Variants in C17orf114 observed in about 807,000 individuals in gnomAD.
The protein encoded by C17orf114 is uncharacterized protein C17orf114.
chr17:4,805,346 C>T (rs1431895038), upstream of C17orf114, among the ~76,000 whole-genome samples: 4 of 151,148 alleles, frequency 2.6e-5, no homozygotes, highest in Admixed American at 1.3e-4. Context: ...GGAGAGAACC[C>T]GGGAGGCGGA....
At chr17:4,806,543 T>C (rs1905825599), upstream of C17orf114, among the ~76,000 whole-genome samples, 1 of 152,216 alleles carries the variant, frequency 6.6e-6, no homozygotes, top group East Asian at 1.9e-4. Context: ...AACCATCTTA[T>C]TTACTACCAT....
chr17:4,802,040 A>G (rs114335245), intron 1 of C17orf114, among the ~76,000 whole-genome samples: 1 of 152,174 alleles, frequency 6.6e-6, no homozygotes, highest in African/African-American at 2.4e-5. Context: ...AAATTCTTAA[A>G]TTGTTAACAA....
intron 1 of C17orf114, among the ~76,000 whole-genome samples, chr17:4,801,806 C>T (rs1567518406): frequency 6.6e-6 from 1 of 151,964 alleles, no homozygotes; most frequent in South Asian, 2.1e-4. Flanking sequence ...TTTCGGCTCA[C>T]TGCAACCTCC....
chr17:4,804,013 C>T (rs993026194), upstream of C17orf114, among the ~76,000 whole-genome samples: 21 of 152,044 alleles, frequency 1.4e-4, no homozygotes, highest in African/African-American at 5.1e-4. Context: ...TCAGCCACCA[C>T]ACCCAGCCCA....
exon 1 of C17orf114, chr17:4,802,289 A>G (rs1022506888): frequency 2.5e-6 from 1 of 399,598 alleles, no homozygotes; most frequent in South Asian, 1.3e-4. Flanking sequence ...CACCCGCACC[A>G]TGGGAAACAC....
chr17:4,805,885 G>T (rs1014809905), upstream of C17orf114, among the ~76,000 whole-genome samples: 5 of 151,952 alleles, frequency 3.3e-5, no homozygotes, highest in African/African-American at 1.2e-4. Context: ...CCTGGGAGGC[G>T]GAGCTTGCAG....
upstream of C17orf114, among the ~76,000 whole-genome samples, chr17:4,806,392 G>A (rs1189462449): frequency 6.6e-6 from 1 of 152,074 alleles, no homozygotes; most frequent in African/African-American, 2.4e-5. Flanking sequence ...CTAAAACAAT[G>A]GGCAAAACTA....
upstream of C17orf114, chr17:4,806,975 G>A (rs1905890515): frequency 6.6e-6 from 1 of 150,520 alleles, no homozygotes; most frequent in Admixed American, 6.6e-5. Flanking sequence ...CAGGGCACAG[G>A]GCGGCCCCCT....
intron 1 of C17orf114, among the ~76,000 whole-genome samples, chr17:4,802,038 A>T (rs1905525931): frequency 6.6e-6 from 1 of 152,084 alleles, no homozygotes; most frequent in African/African-American, 2.4e-5. Context: ...CGAAATTCTT[A>T]AATTGTTAAC....
At chr17:4,804,417 G>A (rs1014497066), upstream of C17orf114, among the ~76,000 whole-genome samples, 4 of 151,814 alleles carry the variant, frequency 2.6e-5, no homozygotes, top group South Asian at 8.3e-4. Context: ...TGTTAGCCAG[G>A]ATGGTCTCGA....
At chr17:4,802,535 G>A (rs1905539865), upstream of C17orf114, among the ~76,000 whole-genome samples, 1 of 152,184 alleles carries the variant, frequency 6.6e-6, no homozygotes, top group Admixed American at 6.6e-5. Flanking sequence ...CCATTAATTT[G>A]GGGGTCCTTT....
upstream of C17orf114, among the ~76,000 whole-genome samples, chr17:4,802,974 G>A (rs755820218): frequency 1.8e-4 from 28 of 152,096 alleles, no homozygotes; most frequent in South Asian, 4.1e-4. Flanking sequence ...GTGGAGTGCA[G>A]TGGCGCAATC....
intron 1 of C17orf114, among the ~76,000 whole-genome samples, chr17:4,801,736 T>G (rs77011178): frequency 7.1e-6 from 1 of 140,554 alleles, no homozygotes; most frequent in East Asian, 2.0e-4. Context: ...AAATTCTTAA[T>G]TTTTTTTTTT....
chr17:4,804,198 TTTC>T (rs1905584228), upstream of C17orf114, among the ~76,000 whole-genome samples: 1 of 149,368 alleles, frequency 6.7e-6, no homozygotes, highest in African/African-American at 2.5e-5. Context: ...CTGTGTTTTT[TTTC>T]TTTTTTCTTT....
chr17:4,806,840 G>A (rs1460641143), upstream of C17orf114: 1 of 149,516 alleles, frequency 6.7e-6, no homozygotes, highest in African/African-American at 2.4e-5. Context: ...CCCGAGGGAT[G>A]CGCGCAGCGC....
upstream of C17orf114, chr17:4,802,393 C>T (rs1183648245): frequency 5.0e-6 from 2 of 398,618 alleles, no homozygotes; most frequent in Non-Finnish European, 8.8e-6. Context: ...TTCCAAGCCC[C>T]CCCACCATGG....
chr17:4,806,293 C>T (rs4790707), upstream of C17orf114, among the ~76,000 whole-genome samples: 149,997 of 152,278 alleles, frequency 0.99, 73,858 homozygotes, highest in East Asian at 1. Flanking sequence ...AAGTTAAACA[C>T]ACACTGATAT....
At chr17:4,804,776 G>A (rs1433174683), upstream of C17orf114, among the ~76,000 whole-genome samples, 1 of 150,160 alleles carries the variant, frequency 6.7e-6, no homozygotes, top group East Asian at 2.0e-4. Context: ...TAGTAGAGAC[G>A]GGGTTCACCA....
At chr17:4,802,987 G>A (rs979575670), upstream of C17orf114, among the ~76,000 whole-genome samples, 4 of 152,112 alleles carry the variant, frequency 2.6e-5, no homozygotes, top group Non-Finnish European at 4.4e-5. Context: ...GCGCAATCTC[G>A]GCTCACTGCA....
Sources: gnomAD v4.1 joint callset for allele counts (sites outside exome capture counted in the v4.1 genomes callset) on GRCh38, gnomAD v4.1.1 for gene constraint, MANE v1.5 for transcripts, NCBI Gene and HGNC (gene_info 2026-07-23, HGNC 2026-07-21) for gene names.